The following SCFD2 variants were observed in gnomAD, a reference collection of about 807,000 sequenced individuals.
SCFD2 encodes sec1 family domain-containing protein 2.
Under a neutral mutation model 58.9 loss-of-function variants are expected in SCFD2, and 54 were observed. That is an observed-to-expected ratio of 0.92 (90% confidence interval 0.74 to 1.15). SCFD2 has a LOEUF of 1.15. Among genes scored for constraint, SCFD2 ranks in the 50% most tolerant of loss-of-function variants. The probability of loss-of-function intolerance (pLI) is 0.00; values close to 1 mark genes in which losing one functional copy is unlikely to be tolerated. For missense variants in SCFD2, 805 were observed against 836.6 expected, an observed-to-expected ratio of 0.96 and a Z score of 0.47; for synonymous variants, 321 against 335.9, an observed-to-expected ratio of 0.96 and a Z score of 0.49.
chr4:53,012,430 T>G lies in SCFD2; in HGVS notation c.1562-91560A>C, dbSNP rs535806357. Among the ~76,000 whole-genome samples the G allele has an allele frequency of 5.9e-5, 9 of 151,964 alleles. No individual in the cohort carries two copies. The South Asian group carries it at 1.9e-3, about 32-fold the overall frequency. On this transcript the variant is annotated intron_variant, in intron 5 of 8. Coordinates refer to ENST00000401642, the MANE Select transcript of SCFD2 (RefSeq NM_152540.4). ...AGGGAAGTGGAGGCAGAGGCTGCAC[T>G]GTGATCCTGGTCAAATAGGTTGGTC...
At chr4:52,959,611 C>T (rs1201010521) in intron 5 of SCFD2, among the ~76,000 whole-genome samples, 1 of 152,128 alleles carries the variant, frequency 6.6e-6, no homozygotes, top group Non-Finnish European at 1.5e-5. Context: ...AGAACATCTT[C>T]TTTAGATCAA....
Position 53,145,240 on chromosome 4 carries a change from A to G in SCFD2, c.1561+93T>C, listed in dbSNP as rs548432956. On this transcript the variant is annotated intron_variant, in intron 5 of 8. Transcript: ENST00000401642. ...GAAATTCCAAACAACTCCAGTGAAG[A>G]TGGTTACCTCCTCTTCCCAAAACAG... The G allele has an allele frequency of 1.6e-5, 23 of 1,451,278 alleles. No individual in the cohort carries two copies. In the South Asian group the frequency reaches 2.3e-4, roughly 14 times the overall value. 89.9% of individuals were successfully genotyped at this position (1,451,278 alleles called of 1,614,324 possible). A position where few individuals can be genotyped will look rare whatever the true frequency, so the allele number is the denominator to read the frequency against.
chr4:53,019,803 A>G lies in SCFD2; in HGVS notation c.1562-98933T>C, dbSNP rs1722305074. 2.0e-5 allele frequency among the ~76,000 whole-genome samples: 3 copies of G among 152,140 alleles called. No individual in the cohort carries two copies. In the South Asian group the frequency reaches 6.2e-4, roughly 32 times the overall value. ...GTGGTAACTTACTGAGTTAATTTAG[A>G]TTAATATGGTAGGTCTTAGGTGATT... On this transcript the variant is annotated intron_variant, in intron 5 of 8. Coordinates refer to ENST00000401642, the MANE Select transcript of SCFD2 (RefSeq NM_152540.4).
intron 2 of SCFD2, among the ~76,000 whole-genome samples, chr4:53,338,332 C>G (rs900777040): frequency 3.9e-5 from 6 of 152,044 alleles, no homozygotes; most frequent in Non-Finnish European, 7.4e-5. Context: ...TAGCTGAAAA[C>G]TTCTCACATT....
chr4:52,930,501 T>A (rs1345871593), intron 5 of SCFD2, among the ~76,000 whole-genome samples: 1 of 151,898 alleles, frequency 6.6e-6, no homozygotes, highest in Admixed American at 6.6e-5. Context: ...AAAGCAAAAA[T>A]TGACAAATGG....
intron 2 of SCFD2, among the ~76,000 whole-genome samples, chr4:53,333,301 A>T (rs1733557513): frequency 6.7e-6 from 1 of 149,438 alleles, no homozygotes; most frequent in Admixed American, 6.7e-5. Context: ...AGGCAATCCT[A>T]AGCCAAAAGA....
intron 2 of SCFD2, among the ~76,000 whole-genome samples, chr4:53,342,550 G>C (rs188069000): frequency 2.6e-5 from 4 of 152,092 alleles, no homozygotes; most frequent in African/African-American, 7.2e-5. Flanking sequence ...ACAGATCAAC[G>C]AGACAGAAAG....
At chr4:53,214,664 C>T (rs1213460655) in intron 4 of SCFD2, among the ~76,000 whole-genome samples, 1 of 152,058 alleles carries the variant, frequency 6.6e-6, no homozygotes, top group African/African-American at 2.4e-5. Context: ...TAATTAGATC[C>T]CATTTGTCAA....
intron 6 of SCFD2, 72 bp from the exon 7 acceptor site, chr4:52,907,663 T>C: frequency 2.7e-6 from 4 of 1,479,744 alleles, no homozygotes; most frequent in African/African-American, 1.4e-5. Flanking sequence ...TTATCTGCAA[T>C]GAAGAAAGCA....
Position 53,189,148 on chromosome 4 carries a change from A to G in SCFD2, c.1312-43566T>C, listed in dbSNP as rs769263646. 2.3e-4 allele frequency among the ~76,000 whole-genome samples: 35 copies of G among 152,352 alleles called. 1 individual carries two copies. The highest frequency in any genetic ancestry group is 6.2e-4 in the South Asian group (3 of 4,832). ...AGCACGTTCCTTTTGCTGGAGTTTC[A>G]TGCTGAAAGAATGTAAGCTATTGCT... On this transcript the variant is annotated intron_variant, in intron 4 of 8. Coordinates refer to ENST00000401642, the MANE Select transcript of SCFD2 (RefSeq NM_152540.4).
At chr4:52,940,788 G>C (rs1348626343) in intron 5 of SCFD2, among the ~76,000 whole-genome samples, 2 of 152,200 alleles carry the variant, frequency 1.3e-5, no homozygotes, top group Non-Finnish European at 2.9e-5. Flanking sequence ...CAAACTGATA[G>C]AAAGTGCGGA....
chr4:53,324,710 G>T (rs190795370), intron 2 of SCFD2, among the ~76,000 whole-genome samples: 1 of 152,048 alleles, frequency 6.6e-6, no homozygotes, highest in Admixed American at 6.6e-5. Context: ...CTGGTTGTCC[G>T]GTACATGGCG....
chr4:53,258,325 A>ACATT (rs1240969269), intron 4 of SCFD2, among the ~76,000 whole-genome samples: 1 of 151,896 alleles, frequency 6.6e-6, no homozygotes, highest in Non-Finnish European at 1.5e-5. Flanking sequence ...GCCTACACAC[A>ACATT]CATTCCCCCA....
At chr4:53,144,941 G>A (rs540746815) in intron 5 of SCFD2, among the ~76,000 whole-genome samples, 1 of 152,286 alleles carries the variant, frequency 6.6e-6, no homozygotes, top group Admixed American at 6.5e-5. Flanking sequence ...GGTGTGCAGT[G>A]GGCAAGCAAG....
chr4:53,130,017 A>G (rs1026456808), intron 5 of SCFD2, among the ~76,000 whole-genome samples: 5 of 152,214 alleles, frequency 3.3e-5, no homozygotes, highest in Non-Finnish European at 7.3e-5. Flanking sequence ...TAAAGAGCAA[A>G]AGATCACACT....
chr4:53,350,010 G>A (rs973571505), intron 2 of SCFD2, among the ~76,000 whole-genome samples: 3 of 152,136 alleles, frequency 2.0e-5, no homozygotes, highest in Admixed American at 1.3e-4. Flanking sequence ...AAACGGGGAC[G>A]CTAAGAGAAT....
intron 2 of SCFD2, among the ~76,000 whole-genome samples, chr4:53,338,801 T>G (rs1167293883): frequency 6.6e-6 from 1 of 151,724 alleles, no homozygotes; most frequent in East Asian, 1.9e-4. Flanking sequence ...GGGATGGTCT[T>G]GATCTCCTGA....
At chr4:52,878,189 A>G (rs1376965963) in intron 8 of SCFD2, among the ~76,000 whole-genome samples, 1 of 152,118 alleles carries the variant, frequency 6.6e-6, no homozygotes. Context: ...ATTGTTTCTT[A>G]GCACAGTGCC....
intron 4 of SCFD2, among the ~76,000 whole-genome samples, chr4:53,271,377 A>C (rs1438857976): frequency 6.6e-6 from 1 of 152,066 alleles, no homozygotes; most frequent in East Asian, 1.9e-4. Flanking sequence ...TAGATTGCAT[A>C]AATAAATTGT....
Sources: allele counts gnomAD v4.1 joint callset (sites outside exome capture counted in the v4.1 genomes callset), GRCh38; gene constraint gnomAD v4.1.1; transcripts MANE v1.5; gene names NCBI Gene and HGNC (gene_info 2026-07-23, HGNC 2026-07-21).